The following GUCA1C variants were observed in gnomAD, a reference collection of about 807,000 sequenced individuals.
GUCA1C encodes the protein guanylyl cyclase-activating protein 3.
A neutral mutation model predicts 16.2 loss-of-function variants in GUCA1C; 15 were observed. The ratio of observed to expected loss-of-function variants is 0.93; its 90% confidence interval spans 0.62 to 1.43. GUCA1C has a LOEUF of 1.43. Ranked by LOEUF, GUCA1C falls within the 40% of genes most tolerant of loss-of-function variation. The pLI, the probability that GUCA1C is intolerant of heterozygous loss-of-function variation, is 0.00. For synonymous variants in GUCA1C, 78 were observed against 85.4 expected, an observed-to-expected ratio of 0.91 and a Z score of 0.48; for missense variants, 275 against 244.8, an observed-to-expected ratio of 1.12 and a Z score of -0.82.
At chr3:108,935,611 G>A (rs1176591638) in intron 1 of GUCA1C, among the ~76,000 whole-genome samples, 2 of 151,902 alleles carry the variant, frequency 1.3e-5, no homozygotes, top group African/African-American at 2.4e-5. Context: ...CAGGAGAATC[G>A]CTTGAACCTG....
upstream of GUCA1C, chr3:108,954,029 A>G (rs1365364288): frequency 2.2e-6 from 1 of 457,756 alleles, no homozygotes; most frequent in African/African-American, 1.9e-5. Flanking sequence ...GGAACACGCA[A>G]TATTTTAGAG....
At chr3:108,934,798 T>C (rs1002095263) in intron 1 of GUCA1C, among the ~76,000 whole-genome samples, 2 of 147,434 alleles carry the variant, frequency 1.4e-5, no homozygotes, top group Non-Finnish European at 3.0e-5. Context: ...TTCTCACTTA[T>C]GTTCTTGATC....
intron 1 of GUCA1C, among the ~76,000 whole-genome samples, chr3:108,949,963 C>T (rs867109298): frequency 1.9e-4 from 29 of 152,174 alleles, no homozygotes; most frequent in African/African-American, 6.5e-4. Context: ...AGTCACCATG[C>T]TATACAAGAT....
chr3:108,912,947 G>A (rs527829162), intron 3 of GUCA1C, among the ~76,000 whole-genome samples: 3 of 152,148 alleles, frequency 2.0e-5, no homozygotes, highest in African/African-American at 7.2e-5. Flanking sequence ...TATAAATCTA[G>A]CATTAATCCT....
At chr3:108,927,214 G>C (rs1046290118) in intron 1 of GUCA1C, among the ~76,000 whole-genome samples, 1 of 151,566 alleles carries the variant, frequency 6.6e-6, no homozygotes, top group Non-Finnish European at 1.5e-5. Context: ...CCTAGGCAAT[G>C]ATCTTTTTGT....
chr3:108,942,143 G>C (rs1946792550), intron 1 of GUCA1C, among the ~76,000 whole-genome samples: 1 of 152,194 alleles, frequency 6.6e-6, no homozygotes, highest in Non-Finnish European at 1.5e-5. Context: ...GGTTCCTCAT[G>C]TGTAAATGCG....
Position 108,942,560 on chromosome 3 carries a change from T to A in GUCA1C, c.204+10999A>T, listed in dbSNP as rs150313225. Among the ~76,000 whole-genome samples the A allele has an allele frequency of 7.9e-5, 12 of 152,348 alleles. No homozygotes were observed. The East Asian group carries it at 2.1e-3, about 27-fold the overall frequency. Reference sequence around the variant, plus strand: ...GCCCCACACAACCCTAATATTTGAATGTAATTTTTCTATTCTTACCTGCCC... The same window carrying A: ...GCCCCACACAACCCTAATATTTGAAAGTAATTTTTCTATTCTTACCTGCCC... On this transcript the variant is annotated intron_variant, in intron 1 of 3. Coordinates refer to ENST00000261047, the MANE Select transcript of GUCA1C (RefSeq NM_005459.4).
chr3:108,920,363 A>G, intron 2 of GUCA1C, 73 bp downstream of exon 2: 1 of 1,104,152 alleles, frequency 9.1e-7, no homozygotes, highest in South Asian at 1.3e-5. Flanking sequence ...GACAGCTGTT[A>G]CCTACTCCAT....
intron 1 of GUCA1C, among the ~76,000 whole-genome samples, chr3:108,932,941 A>AAG (rs1553735272): frequency 3.3e-4 from 50 of 149,314 alleles, no homozygotes; most frequent in African/African-American, 1.1e-3. Context: ...AAAAAAAAAA[A>AAG]AAGAAGAAGT....
rs112891261 is a variant in GUCA1C at position 108,943,832 on chromosome 3, G to A, written c.204+9727C>T. ...CATTGTATGATTCTTAAGTCTTTGC[G>A]TCCTCATAGCTTAGCTCCCACATAT... On this transcript the variant is annotated intron_variant, in intron 1 of 3. Coordinates refer to ENST00000261047, the MANE Select transcript of GUCA1C (RefSeq NM_005459.4). Among the ~76,000 whole-genome samples, 716 of 152,000 alleles carry A rather than the reference G, an allele frequency of 4.7e-3. 8 individuals are homozygous for A. The highest frequency in any genetic ancestry group is 0.017 in the African/African-American group (684 of 41,428).
At chr3:108,932,327 AAAAAAAAAAAAAC>A (rs1260090708) in intron 1 of GUCA1C, among the ~76,000 whole-genome samples, 3 of 116,124 alleles carry the variant, frequency 2.6e-5, no homozygotes, top group Non-Finnish European at 5.2e-5. Context: ...TCCCACCAAA[AAAAAAAAAAAAAC>A]AAAAAAAAAA....
intron 2 of GUCA1C, among the ~76,000 whole-genome samples, chr3:108,917,088 G>A (rs964856796): frequency 2.0e-5 from 3 of 152,054 alleles, no homozygotes; most frequent in African/African-American, 7.2e-5. Context: ...AACCAGTCTT[G>A]GCTTTAGCAA....
intron 1 of GUCA1C, among the ~76,000 whole-genome samples, chr3:108,951,674 C>T (rs990228053): frequency 6.6e-6 from 1 of 151,968 alleles, no homozygotes; most frequent in Admixed American, 6.5e-5. Context: ...GAGATCCCCA[C>T]ACCTTTTGTG....
chr3:108,949,670 T>C (rs892810295), intron 1 of GUCA1C, among the ~76,000 whole-genome samples: 2 of 152,212 alleles, frequency 1.3e-5, no homozygotes, highest in African/African-American at 4.8e-5. Flanking sequence ...GACGGTTGAA[T>C]GTATTCATCT....
At chr3:108,911,129 A>G (rs1263682226) in intron 3 of GUCA1C, among the ~76,000 whole-genome samples, 1 of 152,072 alleles carries the variant, frequency 6.6e-6, no homozygotes, top group Non-Finnish European at 1.5e-5. Flanking sequence ...ATCACTCACT[A>G]CCAATTTCAG....
At chr3:108,938,664 G>A (rs375141418) in intron 1 of GUCA1C, among the ~76,000 whole-genome samples, 32 of 152,304 alleles carry the variant, frequency 2.1e-4, no homozygotes, top group African/African-American at 7.2e-4. Flanking sequence ...ATGAAACATG[G>A]AATTGCTGGA....
rs140828572 is a variant in GUCA1C at position 108,920,529 on chromosome 3, T to C, written c.261A>G (p.Glu87=). 6.3e-7 allele frequency: 1 copy of C among 1,586,538 alleles called. No homozygotes were observed. Among genetic ancestry groups the C allele is most frequent in the Non-Finnish European group, 8.7e-7 (1 of 1,155,270 alleles). ...ACCATTTTAATTTTTGCTCCATTTT[T>C]TCTTGCATGATTAGATTTACAGCAG... ...FIAAVNLIMQ[E]KMEQKLKWYF... is the part of the protein sequence containing the mutation. Residue 87 remains glutamate (E), a synonymous_variant, in exon 2 of 4, where the codon GAA becomes GAG. Coordinates refer to ENST00000261047, the MANE Select transcript of GUCA1C (RefSeq NM_005459.4).
intron 1 of GUCA1C, among the ~76,000 whole-genome samples, chr3:108,926,770 A>G (rs1168551813): frequency 3.4e-5 from 5 of 147,550 alleles, no homozygotes; most frequent in Non-Finnish European, 7.4e-5. Context: ...ATGAGCCACT[A>G]TGCCCGGCCT....
At chr3:108,910,036 GA>G (rs1278433741) in intron 3 of GUCA1C, among the ~76,000 whole-genome samples, 1 of 152,200 alleles carries the variant, frequency 6.6e-6, no homozygotes, top group African/African-American at 2.4e-5. Flanking sequence ...TAGGTGCTCA[GA>G]AGGCACACAC....
Sources: allele counts gnomAD v4.1 joint callset (sites outside exome capture counted in the v4.1 genomes callset), GRCh38; gene constraint gnomAD v4.1.1; transcripts MANE v1.5; gene names NCBI Gene and HGNC (gene_info 2026-07-23, HGNC 2026-07-21).